The following DGKI variants were observed in gnomAD, a reference collection of about 807,000 sequenced individuals.
DGKI encodes the protein DAG kinase iota.
In DGKI, 55 loss-of-function variants were observed where a neutral mutation model predicts 147.5. The ratio of observed to expected loss-of-function variants is 0.37; its 90% CI spans 0.30 to 0.47. The LOEUF (loss-of-function observed/expected upper bound fraction) is 0.47, where lower values mean the gene tolerates loss of function less well. DGKI is among the 20% of genes least tolerant of loss of function. The pLI, the probability that DGKI is intolerant of heterozygous loss-of-function variation, is 1.00. For missense variants in DGKI, 1,007 were observed against 1,323.8 expected (o/e 0.76, Z 3.71); for synonymous variants, 469 against 477.1 (o/e 0.98, Z 0.22).
chr7:137,426,652 C>T (rs1022188366), intron 28 of DGKI, among the ~76,000 whole-genome samples: 1 of 151,848 alleles, frequency 6.6e-6, no homozygotes, highest in Non-Finnish European at 1.5e-5. Context: ...ATTCAGGAAA[C>T]CCATCTCATG....
chr7:137,709,651 G>A (rs1436528064), intron 1 of DGKI, among the ~76,000 whole-genome samples: 1 of 152,006 alleles, frequency 6.6e-6, no homozygotes, highest in African/African-American at 2.4e-5. Flanking sequence ...AATCCTCTCT[G>A]AAGACCCAAG....
At position 137,697,547 on chromosome 7, in the gene DGKI, T is replaced by C. The variant is rs1212361818; in HGVS notation, c.402-7545A>G. On this transcript the variant is annotated intron_variant, in intron 1 of 32. Coordinates refer to ENST00000614521, the MANE Select transcript of DGKI (RefSeq NM_001321708.2). ...GAGTAGTTTACACTCTATCAGTGAA[T>C]AAGATCTTAACCTCTGTGGCATTAA... is the stretch of plus-strand genomic sequence containing the variant. Among the ~76,000 whole-genome samples, 6 of 152,340 alleles carry C rather than the reference T, an allele frequency of 3.9e-5. No individual in the cohort carries two copies. In the East Asian group the frequency reaches 1.2e-3, roughly 29 times the overall value.
intron 1 of DGKI, among the ~76,000 whole-genome samples, chr7:137,738,138 T>G (rs1484651421): frequency 6.6e-6 from 1 of 152,174 alleles, no homozygotes; most frequent in Non-Finnish European, 1.5e-5. Flanking sequence ...ATTACCATTT[T>G]GTAGATGCGG....
Position 137,722,652 on chromosome 7 carries a change from G to A in DGKI, c.402-32650C>T, listed in dbSNP as rs1254210527. On this transcript the variant is annotated intron_variant, in intron 1 of 32. Coordinates refer to ENST00000614521, the MANE Select transcript of DGKI (RefSeq NM_001321708.2). ...ATGCTTACTTCAAGAAGAAGAAGCTGCGGAAGCCCAGACACCAGGAAGGTG... is the reference window on the plus strand; with the variant it reads ...ATGCTTACTTCAAGAAGAAGAAGCTACGGAAGCCCAGACACCAGGAAGGTG... 17 of 1,584,584 alleles carry A rather than the reference G, an allele frequency of 1.1e-5. No homozygotes were observed. The East Asian group carries it at 2.9e-4, about 27-fold the overall frequency.
chr7:137,485,132 C>T (rs1246284915), intron 23 of DGKI, among the ~76,000 whole-genome samples: 2 of 151,990 alleles, frequency 1.3e-5, no homozygotes, highest in African/African-American at 2.4e-5. Context: ...ACTGAAAGCA[C>T]TCAATTTTAT....
At chr7:137,430,071 T>A (rs1387400420) in intron 28 of DGKI, among the ~76,000 whole-genome samples, 1 of 118,280 alleles carries the variant, frequency 8.5e-6, no homozygotes, top group African/African-American at 3.1e-5. Context: ...CCCAAAGGAC[T>A]ATAAATCATG....
At chr7:137,728,691 C>T (rs1029682483) in intron 1 of DGKI, among the ~76,000 whole-genome samples, 6 of 152,162 alleles carry the variant, frequency 3.9e-5, no homozygotes, top group African/African-American at 1.4e-4. Flanking sequence ...AGTGCTCAGA[C>T]AGATATCACC....
chr7:137,452,349 C>T (rs922939023), intron 27 of DGKI, among the ~76,000 whole-genome samples: 9 of 152,232 alleles, frequency 5.9e-5, no homozygotes, highest in African/African-American at 1.9e-4. Flanking sequence ...AATTCACGGG[C>T]CTGACTGAAA....
chr7:137,842,173 A>G (rs1798562778), intron 1 of DGKI, among the ~76,000 whole-genome samples: 2 of 152,236 alleles, frequency 1.3e-5, no homozygotes, highest in Admixed American at 1.3e-4. Flanking sequence ...GGATTTACAA[A>G]AGAGGATACA....
At position 137,567,179 on chromosome 7, in the gene DGKI, G is replaced by A. The variant is rs544487723; in HGVS notation, c.1947+3996C>T. On this transcript the variant is annotated intron_variant, in intron 19 of 32. Coordinates refer to ENST00000614521, the MANE Select transcript of DGKI (RefSeq NM_001321708.2). ...CTTGGGGGGCTAAGGCAGGAGAATC[G>A]CTTGAACTCGGGAGGCAGAGGTTAC... Among the ~76,000 whole-genome samples the A allele has an allele frequency of 4.0e-3, 603 of 151,116 alleles. 4 individuals carry two copies. The highest frequency in any genetic ancestry group is 0.014 in the African/African-American group (575 of 40,898).
At chr7:137,786,468 G>A (rs541847256) in intron 1 of DGKI, among the ~76,000 whole-genome samples, 1 of 152,118 alleles carries the variant, frequency 6.6e-6, no homozygotes, top group African/African-American at 2.4e-5. Context: ...AGAAATCATA[G>A]ATGCCACAGC....
intron 3 of DGKI, among the ~76,000 whole-genome samples, chr7:137,673,267 C>T (rs1822917021): frequency 6.6e-6 from 1 of 152,152 alleles, no homozygotes; most frequent in African/African-American, 2.4e-5. Flanking sequence ...TAGCCCATCA[C>T]AGCCACTACA....
At chr7:137,593,001 T>C (rs996958660) in intron 12 of DGKI, among the ~76,000 whole-genome samples, 17 of 152,170 alleles carry the variant, frequency 1.1e-4, no homozygotes, top group African/African-American at 3.9e-4. Flanking sequence ...GGATTGTCCC[T>C]ATCAATTAAA....
At chr7:137,621,556 G>T (rs1820748168) in intron 7 of DGKI, among the ~76,000 whole-genome samples, 1 of 152,164 alleles carries the variant, frequency 6.6e-6, no homozygotes, top group African/African-American at 2.4e-5. Context: ...GGTTCACCTG[G>T]ACTGTGAAAA....
chr7:137,471,963 T>TTA (rs71177904), intron 23 of DGKI, among the ~76,000 whole-genome samples: 24,796 of 138,708 alleles, frequency 0.18, 3,260 homozygotes, highest in African/African-American at 0.37. Flanking sequence ...ATATTATATA[T>TTA]TATATACATG....
chr7:137,510,423 T>TA (rs1011705162), intron 21 of DGKI, among the ~76,000 whole-genome samples: 2 of 152,220 alleles, frequency 1.3e-5, no homozygotes, highest in African/African-American at 4.8e-5. Context: ...GTAAAATTCT[T>TA]AGACACAGAA....
At chr7:137,584,603 A>G (rs1186097197) in intron 14 of DGKI, among the ~76,000 whole-genome samples, 5 of 152,228 alleles carry the variant, frequency 3.3e-5, no homozygotes, top group Non-Finnish European at 7.3e-5. Flanking sequence ...CATGCTCACT[A>G]TCTGGGTGAT....
intron 1 of DGKI, among the ~76,000 whole-genome samples, chr7:137,828,489 G>A (rs951152407): frequency 5.3e-5 from 8 of 152,132 alleles, no homozygotes; most frequent in Non-Finnish European, 1.0e-4. Flanking sequence ...AGCACTCAGT[G>A]CGTGGAAGAG....
At chr7:137,412,064 G>A (rs1812182790) in intron 29 of DGKI, 106 bp downstream of exon 29, 1 of 1,110,026 alleles carries the variant, frequency 9.0e-7, no homozygotes, top group Non-Finnish European at 1.4e-6. Flanking sequence ...GCCAGTGCAA[G>A]CAGGGGATGA....
Sources: gnomAD v4.1 joint callset for allele counts (sites outside exome capture counted in the v4.1 genomes callset) on GRCh38, gnomAD v4.1.1 for gene constraint, MANE v1.5 for transcripts, NCBI Gene and HGNC (gene_info 2026-07-23, HGNC 2026-07-21) for gene names.